USP6NL: variants seen among roughly 807,000 people sequenced by gnomAD.
The protein encoded by USP6NL is USP6 N-terminal like, also known as USP6 N-terminal-like protein.
In USP6NL, 26 loss-of-function variants were observed where a neutral mutation model predicts 61.9. The ratio of observed to expected loss-of-function variants is 0.42; its 90% CI spans 0.31 to 0.58. USP6NL has a LOEUF of 0.58. USP6NL is among the 20% of genes least tolerant of loss of function. The probability of loss-of-function intolerance (pLI) is 0.16; values close to 1 mark genes in which losing one functional copy is unlikely to be tolerated. For missense variants in USP6NL, 1,114 were observed against 1,034.3 expected, an observed-to-expected ratio of 1.08 and a Z score of -1.06; for synonymous variants, 432 against 390.1, an observed-to-expected ratio of 1.11 and a Z score of -1.27.
chr10:11,555,471 A>AGAGAGAGAAAGAGAGAGAG (rs1566178235), intron 2 of USP6NL, among the ~76,000 whole-genome samples: 1 of 62,226 alleles, frequency 1.6e-5, no homozygotes, highest in African/African-American at 7.1e-5. Flanking sequence ...GAGAGAGAGA[A>AGAGAGAGAAAGAGAGAGAG]AGAGAGAGAG....
intron 2 of USP6NL, among the ~76,000 whole-genome samples, chr10:11,531,842 T>C (rs1835674106): frequency 6.6e-6 from 1 of 152,124 alleles, no homozygotes; most frequent in Non-Finnish European, 1.5e-5. Flanking sequence ...TACAGGAAAA[T>C]ATCTCAGCAC....
At chr10:11,534,305 T>C (rs1446814619) in intron 2 of USP6NL, among the ~76,000 whole-genome samples, 1 of 152,236 alleles carries the variant, frequency 6.6e-6, no homozygotes, top group East Asian at 1.9e-4. Context: ...TGATACCAAC[T>C]GCAATGGTCC....
In USP6NL at chr10:11,462,858, G is replaced by A. The variant is rs2096221255; in HGVS notation, c.2070C>T (p.Pro690=). 4 of 1,613,974 alleles carry A rather than the reference G, an allele frequency of 2.5e-6. No individual in the cohort carries two copies. The highest frequency in any genetic ancestry group is 2.5e-6 in the Non-Finnish European group (3 of 1,179,890). The change falls in exon 15 of 15, where the codon CCC becomes CCT. Residue 690 remains proline, a synonymous_variant. Coordinates refer to ENST00000609104, the MANE Select transcript of USP6NL (RefSeq NM_014688.5). ...CTATTCGACTAGACGGCAGTACAAG[G>A]GGGCTTGGGCGGCTGTAAGATTTCT... is the stretch of plus-strand genomic sequence containing the variant. ...SPEKSYSRPS[P]LVLPSSRIEV...
At position 11,597,569 on chromosome 10, in the gene USP6NL, C is replaced by T. The variant is rs1460475353; in HGVS notation, c.4+62G>A. On this transcript the variant is annotated intron_variant, in intron 2 of 14. Transcript: ENST00000609104. This position sits in a 1 kb window ranked among gnomAD's most constrained non-coding sequence, Gnocchi z 4.6. ...TTATTCAGTAACATGTTTTTCTTCT[C>T]CTAAGCACAATACAGCAAACGCTCC... The T allele has an allele frequency of 5.9e-6, 9 of 1,525,496 alleles. No individual in the cohort carries two copies. The allele number at this position is 1,525,496 out of a possible 1,614,324, so 94.5% of individuals were successfully genotyped here.
At chr10:11,479,117 T>C (rs1456869841) in intron 14 of USP6NL, among the ~76,000 whole-genome samples, 1 of 152,116 alleles carries the variant, frequency 6.6e-6, no homozygotes, top group African/African-American at 2.4e-5. Context: ...CCATAAGCAC[T>C]GAAAACATAT....
chr10:11,545,952 A>G (rs1047411748), intron 2 of USP6NL, among the ~76,000 whole-genome samples: 7 of 152,242 alleles, frequency 4.6e-5, no homozygotes, highest in Non-Finnish European at 1.0e-4. Context: ...TAACATACAC[A>G]AAAGACTTTA....
chr10:11,547,821 A>G lies in USP6NL; in HGVS notation c.5-20254T>C, dbSNP rs139815884. Among the ~76,000 whole-genome samples the G allele has an allele frequency of 2.0e-3, 303 of 152,318 alleles. 2 individuals carry two copies. The highest frequency in any genetic ancestry group is 5.8e-3 in the African/African-American group (242 of 41,566). On this transcript the variant is annotated intron_variant, in intron 2 of 14. Coordinates refer to ENST00000609104, the MANE Select transcript of USP6NL (RefSeq NM_014688.5). ...TCCCCAAAGTGCTAGGATTACAGGC[A>G]TGAGCCACTGCACCCAGCCAAAACT...
In USP6NL at chr10:11,463,270, T is replaced by A; in HGVS notation, c.1658A>T (p.Asn553Ile). 1.2e-6 allele frequency: 2 copies of A among 1,613,810 alleles called. No homozygotes were observed. The highest frequency in any genetic ancestry group is 1.7e-6 in the Non-Finnish European group (2 of 1,179,890). ...KRGSTASQYD[N>I]VPGPELDSGA... ...GCTGTCCAGCTCCGGGCCTGGCACGTTGTCGTACTGCGATGCAGTGGAGCC... is the reference window on the plus strand; with the variant it reads ...GCTGTCCAGCTCCGGGCCTGGCACGATGTCGTACTGCGATGCAGTGGAGCC... Residue 553 changes from asparagine (N) to isoleucine (I), a missense_variant, in exon 15 of 15, where the codon AAC (asparagine) becomes ATC (isoleucine). Physicochemically the swap from Asn to Ile is moderately radical, Grantham distance 149. Coordinates refer to ENST00000609104, the MANE Select transcript of USP6NL (RefSeq NM_014688.5). This position sits in a 1 kb window ranked among gnomAD's most constrained non-coding sequence, Gnocchi z 6.3.
At chr10:11,516,827 G>C (rs1448744947) in intron 5 of USP6NL, among the ~76,000 whole-genome samples, 3 of 152,136 alleles carry the variant, frequency 2.0e-5, no homozygotes, top group Admixed American at 6.5e-5. Flanking sequence ...ACTGCATTAA[G>C]AGGTCATTTA....
chr10:11,471,693 G>C (rs1488698104), intron 14 of USP6NL, among the ~76,000 whole-genome samples: 3 of 152,026 alleles, frequency 2.0e-5, no homozygotes, highest in African/African-American at 4.8e-5. Context: ...GGATGAAGCT[G>C]GAAACCATCA....
intron 14 of USP6NL, among the ~76,000 whole-genome samples, chr10:11,466,721 T>C (rs748147070): frequency 2.0e-5 from 3 of 152,166 alleles, no homozygotes; most frequent in African/African-American, 2.4e-5. Flanking sequence ...AGTGCACTAA[T>C]ACAAACCTAG....
At position 11,462,902 on chromosome 10, in the gene USP6NL, A is replaced by G. The variant is rs374026191; in HGVS notation, c.2026T>C (p.Ser676Pro). The change falls in exon 15 of 15, where the codon TCC (serine) becomes CCC (proline). Residue 676 changes from serine (S) to proline (P), a missense_variant. Coordinates refer to ENST00000609104, the MANE Select transcript of USP6NL (RefSeq NM_014688.5). Reference protein sequence around the residue: ...PSRRPHGSTLSVSASPEKSYS... With the variant: ...PSRRPHGSTLPVSASPEKSYS... Reference sequence around the variant, plus strand: ...GATTTCTCCGGAGAAGCACTGACGGAAAGAGTAGAACCATGAGGTCTCCTG... The same window carrying G: ...GATTTCTCCGGAGAAGCACTGACGGGAAGAGTAGAACCATGAGGTCTCCTG... 1.9e-6 allele frequency: 3 copies of G among 1,613,630 alleles called. No homozygotes were observed. Among genetic ancestry groups the G allele is most frequent in the South Asian group, 2.2e-5 (2 of 91,028 alleles).
chr10:11,463,122 CTTG>C lies in USP6NL; in HGVS notation c.1803_1805del (p.Asn601del). 6.2e-7 allele frequency: 1 copy of C among 1,613,982 alleles called. No individual in the cohort carries two copies. Among genetic ancestry groups the C allele is most frequent in the Non-Finnish European group, 8.5e-7 (1 of 1,179,894 alleles). On this transcript the variant is annotated inframe_deletion, in exon 15 of 15. Coordinates refer to ENST00000609104, the MANE Select transcript of USP6NL (RefSeq NM_014688.5). This position sits in a 1 kb window ranked among gnomAD's most constrained non-coding sequence, Gnocchi z 6.3. ...TTGGAGGCTGTACTTTAAAAGTAAACTTGTTGGATACTTTTGATGGACTAGAAC... is the reference window on the plus strand; with the variant it reads ...TTGGAGGCTGTACTTTAAAAGTAAACTTGGATACTTTTGATGGACTAGAAC...
intron 1 of USP6NL, among the ~76,000 whole-genome samples, chr10:11,606,889 CAA>C (rs1838721464): frequency 6.6e-6 from 1 of 150,916 alleles, no homozygotes; most frequent in Non-Finnish European, 1.5e-5. Context: ...CTCTCGGGTT[CAA>C]GTGATTGTTG....
At chr10:11,547,390 C>T (rs1400036834) in intron 2 of USP6NL, among the ~76,000 whole-genome samples, 1 of 152,138 alleles carries the variant, frequency 6.6e-6, no homozygotes, top group Non-Finnish European at 1.5e-5. Flanking sequence ...TCACAGCAGG[C>T]GGCAGAGCGG....
At position 11,561,448 on chromosome 10, in the gene USP6NL, CATATGT is replaced by C. The variant is rs1210142192; in HGVS notation, c.5-33887_5-33882del. Among the ~76,000 whole-genome samples the C allele has an allele frequency of 1.3e-5, 2 of 152,188 alleles. No homozygotes were observed. Among genetic ancestry groups the C allele is most frequent in the Admixed American group, 6.5e-5 (1 of 15,284 alleles). ...GCACAAGAACATATACGAACACACGCATATGTATAAGGCACACAACAGAACCATACT... is the reference window on the plus strand; with the variant it reads ...GCACAAGAACATATACGAACACACGCATAAGGCACACAACAGAACCATACT... On this transcript the variant is annotated intron_variant, in intron 2 of 14. Coordinates refer to ENST00000609104, the MANE Select transcript of USP6NL (RefSeq NM_014688.5). This position sits in a 1 kb window ranked among gnomAD's most constrained non-coding sequence, Gnocchi z 4.1.
rs2096224375 is a variant in USP6NL, at chr10:11,463,203, C to A, written c.1725G>T (p.Gln575His). ...GAGGGTAAAGGGCATGCCGGGGGCT[C>A]TGGGAGTAAGCCCTTTCCAGCGCCT... Reference protein sequence around the residue: ...VEEALERAYSQSPRHALYPPS... With the variant: ...VEEALERAYSHSPRHALYPPS... The change falls in exon 15 of 15, where the codon CAG (glutamine) becomes CAT (histidine). Residue 575 changes from glutamine to histidine, a missense_variant. By Grantham distance (24) the Gln-to-His change is conservative. Coordinates refer to ENST00000609104, the MANE Select transcript of USP6NL (RefSeq NM_014688.5). The surrounding 1 kb of genome is among the most constrained non-coding windows in gnomAD (Gnocchi z 6.3). 6.2e-7 allele frequency: 1 copy of A among 1,613,490 alleles called. No homozygotes were observed. The highest frequency in any genetic ancestry group is 2.2e-5 in the East Asian group (1 of 44,868).
At chr10:11,514,488 T>C (rs1245778435) in intron 5 of USP6NL, among the ~76,000 whole-genome samples, 1 of 152,230 alleles carries the variant, frequency 6.6e-6, no homozygotes, top group Non-Finnish European at 1.5e-5. Context: ...TATAATCCAT[T>C]ATCATCATTA....
At chr10:11,555,415 TAA>T (rs558901276) in intron 2 of USP6NL, among the ~76,000 whole-genome samples, 1,854 of 26,808 alleles carry the variant, frequency 0.069, 69 homozygotes, top group Admixed American at 0.1. Context: ...AACTCGGTCT[TAA>T]AAAAAAAAAA....
Sources: gnomAD v4.1 joint callset for allele counts (sites outside exome capture counted in the v4.1 genomes callset) on GRCh38, gnomAD v4.1.1 for gene constraint, Gnocchi (gnomAD v3.1) non-coding constraint, MANE v1.5 for transcripts, NCBI Gene and HGNC (gene_info 2026-07-23, HGNC 2026-07-21) for gene names.